The following LENEP variants were observed in gnomAD, a reference collection of about 807,000 sequenced individuals.
LENEP encodes the protein lens epithelial protein.
In LENEP, 2 loss-of-function variants were observed where a neutral mutation model predicts 4.1. The ratio of observed to expected loss-of-function variants is 0.49; its 90% CI spans 0.20 to 1.53. The LOEUF (loss-of-function observed/expected upper bound fraction) is 1.53. Among genes scored for constraint, LENEP ranks in the 40% most tolerant of loss-of-function variants. The probability of loss-of-function intolerance (pLI) is 0.23; values close to 1 mark genes in which losing one functional copy is unlikely to be tolerated. For synonymous variants in LENEP, 30 were observed against 33.3 expected (o/e 0.90, Z 0.34); for missense variants, 63 against 77.0 (o/e 0.82, Z 0.68).
chr1:154,993,966 G>A lies in LENEP; in HGVS notation c.*173G>A. 1.6e-6 allele frequency: 1 copy of A among 626,238 alleles called. No homozygotes were observed. Among genetic ancestry groups the A allele is most frequent in the South Asian group, 2.0e-5 (1 of 48,820 alleles). 38.8% of individuals were successfully genotyped at this position (626,238 alleles called of 1,614,324 possible). A position where few individuals can be genotyped will look rare whatever the true frequency, so the allele number is the denominator to read the frequency against. ...ATTGCCATCAAGACTCCTGAAGCCAGCTGTGCTTGACCAAGGATGGGCCAT... is the reference window on the plus strand; with the variant it reads ...ATTGCCATCAAGACTCCTGAAGCCAACTGTGCTTGACCAAGGATGGGCCAT... On this transcript the variant is annotated 3_prime_UTR_variant, in exon 1 of 1. Coordinates refer to ENST00000392487, the MANE Select transcript of LENEP (RefSeq NM_001394530.1).
chr1:154,994,032 C>T lies in LENEP; in HGVS notation c.*239C>T. ...AGTAAAGTGTGGATCCTGCTTTGAG[C>T]TGTGTCATCTAGCAGACCTGCCTCA... On this transcript the variant is annotated 3_prime_UTR_variant, in exon 1 of 1. Transcript: ENST00000392487. The T allele has an allele frequency of 6.1e-6, 3 of 495,228 alleles. No individual in the cohort carries two copies. The highest frequency in any genetic ancestry group is 1.1e-5 in the Non-Finnish European group (3 of 282,286). The allele number at this position is 495,228 out of a possible 1,614,324, so 30.7% of individuals were successfully genotyped here. A position where few individuals can be genotyped will look rare whatever the true frequency, so the allele number is the denominator to read the frequency against.
rs1199790862 is a variant in LENEP at position 154,993,853 on chromosome 1, G to A, written c.*60G>A. On this transcript the variant is annotated 3_prime_UTR_variant, in exon 1 of 1. Coordinates refer to ENST00000392487, the MANE Select transcript of LENEP (RefSeq NM_001394530.1). ...ACCATGGCTGGCATCGCTCAGGTGG[G>A]CAGGGTAGAGTAAACAGGAGGCATA... 1.3e-6 allele frequency: 2 copies of A among 1,531,524 alleles called. No homozygotes were observed. The highest frequency in any genetic ancestry group is 1.4e-5 in the African/African-American group (1 of 71,790). 94.9% of individuals were successfully genotyped at this position (1,531,524 alleles called of 1,614,324 possible).
chr1:154,993,594 G>C lies in LENEP; in HGVS notation c.-14G>C, dbSNP rs200873018. On this transcript the variant is annotated 5_prime_UTR_variant, in exon 1 of 1. Transcript: ENST00000392487. ...GAGGCAGCTCCCACACCCTTCCTCG[G>C]AACTGTTGCCCACATGCAGCCCCGG... 1.2e-5 allele frequency: 20 copies of C among 1,601,152 alleles called. No individual in the cohort carries two copies. Among genetic ancestry groups the C allele is most frequent in the Non-Finnish European group, 1.6e-5 (19 of 1,175,292 alleles).
chr1:154,993,903 G>A lies in LENEP; in HGVS notation c.*110G>A. ...AGCTGCAGCTTCTGTGGCAGAGCTT[G>A]CCTTAGCTTCTCATTCTCTTCTTTA... is the stretch of plus-strand genomic sequence containing the variant. On this transcript the variant is annotated 3_prime_UTR_variant, in exon 1 of 1. Coordinates refer to ENST00000392487, the MANE Select transcript of LENEP (RefSeq NM_001394530.1). 9.2e-7 allele frequency: 1 copy of A among 1,088,668 alleles called. No homozygotes were observed. Among genetic ancestry groups the A allele is most frequent in the Non-Finnish European group, 1.3e-6 (1 of 753,974 alleles). The allele number at this position is 1,088,668 out of a possible 1,614,324, so 67.4% of individuals were successfully genotyped here.
chr1:154,993,796 G>T lies in LENEP; in HGVS notation c.*3G>T. Reference sequence around the variant, plus strand: ...GTATCAAGGAACTGCTGGATTAATGGTAGCAGGGAACTGCCTCCTCTCCCC... The same window carrying T: ...GTATCAAGGAACTGCTGGATTAATGTTAGCAGGGAACTGCCTCCTCTCCCC... On this transcript the variant is annotated 3_prime_UTR_variant, in exon 1 of 1. Transcript: ENST00000392487. The T allele has an allele frequency of 2.5e-6, 4 of 1,610,872 alleles. No individual in the cohort carries two copies. The highest frequency in any genetic ancestry group is 1.7e-6 in the Non-Finnish European group (2 of 1,178,466).
Position 154,993,709 on chromosome 1 carries a change from A to G in LENEP, c.102A>G (p.Thr34=), listed in dbSNP as rs1411020180. ...GGGTGCCTGTCATTAAGATGGGCAC[A>G]GGGTGGGAGGGCTTCCAGCGGACCC... ...GLRVPVIKMG[T]GWEGFQRTLK... The change falls in exon 1 of 1, where the codon ACA becomes ACG. Residue 34 remains threonine, a synonymous_variant. Coordinates refer to ENST00000392487, the MANE Select transcript of LENEP (RefSeq NM_001394530.1). 2 of 1,612,854 alleles carry G rather than the reference A, an allele frequency of 1.2e-6. No homozygotes were observed. The highest frequency in any genetic ancestry group is 2.2e-5 in the East Asian group (1 of 44,832).
In LENEP at chr1:154,993,948, T is replaced by C. The variant is rs1657987144; in HGVS notation, c.*155T>C. The C allele has an allele frequency of 4.3e-6, 3 of 695,872 alleles. No individual in the cohort carries two copies. 43.1% of individuals were successfully genotyped at this position (695,872 alleles called of 1,614,324 possible). On this transcript the variant is annotated 3_prime_UTR_variant, in exon 1 of 1. Coordinates refer to ENST00000392487, the MANE Select transcript of LENEP (RefSeq NM_001394530.1). ...TCTTTAGCCCCCAGCCCAATTGCCA[T>C]CAAGACTCCTGAAGCCAGCTGTGCT...
rs1051173788 is a variant in LENEP at position 154,993,963 on chromosome 1, C to T, written c.*170C>T. On this transcript the variant is annotated 3_prime_UTR_variant, in exon 1 of 1. Coordinates refer to ENST00000392487, the MANE Select transcript of LENEP (RefSeq NM_001394530.1). Reference sequence around the variant, plus strand: ...CCAATTGCCATCAAGACTCCTGAAGCCAGCTGTGCTTGACCAAGGATGGGC... The same window carrying T: ...CCAATTGCCATCAAGACTCCTGAAGTCAGCTGTGCTTGACCAAGGATGGGC... The T allele has an allele frequency of 1.7e-5, 11 of 633,116 alleles. No individual in the cohort carries two copies. The highest frequency in any genetic ancestry group is 3.2e-5 in the Admixed American group (1 of 31,380). The allele number at this position is 633,116 out of a possible 1,614,324, so 39.2% of individuals were successfully genotyped here.
chr1:154,993,803 G>A lies in LENEP; in HGVS notation c.*10G>A. 6.2e-7 allele frequency: 1 copy of A among 1,610,060 alleles called. No homozygotes were observed. Among genetic ancestry groups the A allele is most frequent in the South Asian group, 1.1e-5 (1 of 90,750 alleles). ...GGAACTGCTGGATTAATGGTAGCAG[G>A]GAACTGCCTCCTCTCCCCACCAGCA... On this transcript the variant is annotated 3_prime_UTR_variant, in exon 1 of 1. Coordinates refer to ENST00000392487, the MANE Select transcript of LENEP (RefSeq NM_001394530.1).
At position 154,993,773 on chromosome 1, in the gene LENEP, A is replaced by G. The variant is rs1269815838; in HGVS notation, c.166A>G (p.Ile56Val). The change falls in exon 1 of 1, where the codon ATC becomes GTC. Residue 56 changes from isoleucine (I) to valine (V), a missense_variant. Transcript: ENST00000392487. ...VAYILLCCWC[I>V]KELLD ...CTACATCCTCCTCTGCTGCTGGTGT[A>G]TCAAGGAACTGCTGGATTAATGGTA... 4.3e-6 allele frequency: 7 copies of G among 1,612,752 alleles called. 1 individual carries two copies. The South Asian group carries it at 5.5e-5, about 13-fold the overall frequency.
In LENEP at chr1:154,993,874, G is replaced by A. The variant is rs909157469; in HGVS notation, c.*81G>A. 7.5e-7 allele frequency: 1 copy of A among 1,334,972 alleles called. No individual in the cohort carries two copies. The highest frequency in any genetic ancestry group is 1.0e-6 in the Non-Finnish European group (1 of 958,892). The allele number at this position is 1,334,972 out of a possible 1,614,324, so 82.7% of individuals were successfully genotyped here. On this transcript the variant is annotated 3_prime_UTR_variant, in exon 1 of 1. Transcript: ENST00000392487. ...GTGGGCAGGGTAGAGTAAACAGGAG[G>A]CATAGCTGCAGCTTCTGTGGCAGAG...
At position 154,993,862 on chromosome 1, in the gene LENEP, A is replaced by C; in HGVS notation, c.*69A>C. On this transcript the variant is annotated 3_prime_UTR_variant, in exon 1 of 1. Coordinates refer to ENST00000392487, the MANE Select transcript of LENEP (RefSeq NM_001394530.1). ...GGCATCGCTCAGGTGGGCAGGGTAG[A>C]GTAAACAGGAGGCATAGCTGCAGCT... 7.0e-7 allele frequency: 1 copy of C among 1,435,456 alleles called. No individual in the cohort carries two copies. Among genetic ancestry groups the C allele is most frequent in the East Asian group, 2.4e-5 (1 of 42,322 alleles). The allele number at this position is 1,435,456 out of a possible 1,614,324, so 88.9% of individuals were successfully genotyped here.
rs1338783496 is a variant in LENEP at position 154,993,869 on chromosome 1, A to G, written c.*76A>G. 7.1e-7 allele frequency: 1 copy of G among 1,399,090 alleles called. No individual in the cohort carries two copies. Among genetic ancestry groups the G allele is most frequent in the Non-Finnish European group, 9.9e-7 (1 of 1,012,896 alleles). 86.7% of individuals were successfully genotyped at this position (1,399,090 alleles called of 1,614,324 possible). ...CTCAGGTGGGCAGGGTAGAGTAAAC[A>G]GGAGGCATAGCTGCAGCTTCTGTGG... On this transcript the variant is annotated 3_prime_UTR_variant, in exon 1 of 1. Transcript: ENST00000392487.
rs900035931 is a variant in LENEP at position 154,993,928 on chromosome 1, A to G, written c.*135A>G. The G allele has an allele frequency of 4.8e-6, 4 of 840,732 alleles. No individual in the cohort carries two copies. Among genetic ancestry groups the G allele is most frequent in the Non-Finnish European group, 7.3e-6 (4 of 547,918 alleles). The allele number at this position is 840,732 out of a possible 1,614,324, so 52.1% of individuals were successfully genotyped here. On this transcript the variant is annotated 3_prime_UTR_variant, in exon 1 of 1. Transcript: ENST00000392487. ...GCCTTAGCTTCTCATTCTCTTCTTT[A>G]GCCCCCAGCCCAATTGCCATCAAGA...
rs774620696 is a variant in LENEP, at chr1:154,993,598, T to G, written c.-10T>G. 6.2e-7 allele frequency: 1 copy of G among 1,603,610 alleles called. No homozygotes were observed. Among genetic ancestry groups the G allele is most frequent in the Admixed American group, 1.7e-5 (1 of 57,324 alleles). Reference sequence around the variant, plus strand: ...CAGCTCCCACACCCTTCCTCGGAACTGTTGCCCACATGCAGCCCCGGACAC... The same window carrying G: ...CAGCTCCCACACCCTTCCTCGGAACGGTTGCCCACATGCAGCCCCGGACAC... On this transcript the variant is annotated 5_prime_UTR_variant, in exon 1 of 1. Transcript: ENST00000392487.
Position 154,993,775 on chromosome 1 carries a change from C to T in LENEP, c.168C>T (p.Ile56=). 6.2e-7 allele frequency: 1 copy of T among 1,612,678 alleles called. No homozygotes were observed. Among genetic ancestry groups the T allele is most frequent in the African/African-American group, 1.3e-5 (1 of 74,888 alleles). ...ACATCCTCCTCTGCTGCTGGTGTAT[C>T]AAGGAACTGCTGGATTAATGGTAGC... ...VAYILLCCWC[I]KELLD Residue 56 remains isoleucine (I), a synonymous_variant, in exon 1 of 1, where the codon ATC becomes ATT. Transcript: ENST00000392487.
In LENEP at chr1:154,993,786, T is replaced by G. The variant is rs1055927039; in HGVS notation, c.179T>G (p.Leu60Arg). The change falls in exon 1 of 1, where the codon CTG (leucine) becomes CGG (arginine). Residue 60 changes from leucine (L) to arginine (R), a missense_variant. Physicochemically the swap from Leu to Arg is moderately radical, Grantham distance 102. Transcript: ENST00000392487. ...LLCCWCIKEL[L>R]D is the part of the protein sequence containing the mutation. ...TGCTGCTGGTGTATCAAGGAACTGC[T>G]GGATTAATGGTAGCAGGGAACTGCC... 8.1e-6 allele frequency: 13 copies of G among 1,611,664 alleles called. No individual in the cohort carries two copies. The highest frequency in any genetic ancestry group is 1.1e-5 in the Non-Finnish European group (13 of 1,178,796).
In LENEP at chr1:154,994,024, G is replaced by C. The variant is rs1657990747; in HGVS notation, c.*231G>C. ...GAGTAAACAGTAAAGTGTGGATCCT[G>C]CTTTGAGCTGTGTCATCTAGCAGAC... On this transcript the variant is annotated 3_prime_UTR_variant, in exon 1 of 1. Coordinates refer to ENST00000392487, the MANE Select transcript of LENEP (RefSeq NM_001394530.1). 1 of 514,270 alleles carries C rather than the reference G, an allele frequency of 1.9e-6. No homozygotes were observed. The highest frequency in any genetic ancestry group is 3.4e-6 in the Non-Finnish European group (1 of 293,846). The allele number at this position is 514,270 out of a possible 1,614,324, so 31.9% of individuals were successfully genotyped here. A position where few individuals can be genotyped will look rare whatever the true frequency, so the allele number is the denominator to read the frequency against.
Position 154,993,718 on chromosome 1 carries a change from G to A in LENEP, c.111G>A (p.Glu37=). 2 of 1,613,474 alleles carry A rather than the reference G, an allele frequency of 1.2e-6. No individual in the cohort carries two copies. The highest frequency in any genetic ancestry group is 1.7e-6 in the Non-Finnish European group (2 of 1,179,702). Residue 37 remains glutamate, a synonymous_variant, in exon 1 of 1, where the codon GAG becomes GAA. Coordinates refer to ENST00000392487, the MANE Select transcript of LENEP (RefSeq NM_001394530.1). ...VPVIKMGTGW[E]GFQRTLKEVA... The stretch of plus-strand genomic sequence containing the variant: ...TCATTAAGATGGGCACAGGGTGGGA[G>A]GGCTTCCAGCGGACCCTGAAGGAAG...
Sources: allele counts gnomAD v4.1 joint callset, GRCh38; gene constraint gnomAD v4.1.1; transcripts MANE v1.5; gene names NCBI Gene and HGNC (gene_info 2026-07-23, HGNC 2026-07-21).